LIPC: variants seen among roughly 807,000 people sequenced by gnomAD.
LIPC encodes the protein lipase C, hepatic type.
A neutral mutation model predicts 50.7 loss-of-function variants in LIPC; 44 were observed. That is an observed-to-expected ratio of 0.87 (90% CI 0.68 to 1.11). The LOEUF is 1.11. Among genes scored for constraint, LIPC ranks in the 50% most tolerant of loss-of-function variants. LIPC has a pLI of 0.00. For missense variants in LIPC, 697 were observed against 648.2 expected, an observed-to-expected ratio of 1.08 and a Z score of -0.82; for synonymous variants, 271 against 256.4, an observed-to-expected ratio of 1.06 and a Z score of -0.54.
At chr15:58,532,577 G>A (rs1892991767) in intron 1 of LIPC, among the ~76,000 whole-genome samples, 1 of 152,152 alleles carries the variant, frequency 6.6e-6, no homozygotes. Flanking sequence ...ACCTTGTGAG[G>A]GGCATAGCAA....
At chr15:58,548,740 TC>T (rs1280610793) in intron 6 of LIPC, among the ~76,000 whole-genome samples, 168 bp downstream of exon 6, 2 of 152,192 alleles carry the variant, frequency 1.3e-5, no homozygotes, top group Non-Finnish European at 1.5e-5. Flanking sequence ...CTTTCTCCTG[TC>T]CCAAGAGTGT....
intron 1 of LIPC, among the ~76,000 whole-genome samples, chr15:58,505,641 G>A (rs1287862108): frequency 6.6e-6 from 1 of 152,140 alleles, no homozygotes; most frequent in Non-Finnish European, 1.5e-5. Context: ...TTCACCCAAC[G>A]TCAACCAGCC....
intron 1 of LIPC, among the ~76,000 whole-genome samples, chr15:58,443,289 T>A (rs1429973317): frequency 6.6e-6 from 1 of 152,172 alleles, no homozygotes; most frequent in Non-Finnish European, 1.5e-5. Flanking sequence ...TATCAGAAGT[T>A]TCTGCTCACC....
intron 8 of LIPC, chr15:58,564,116 T>C (rs1205902552): frequency 1.2e-5 from 3 of 247,294 alleles, no homozygotes; most frequent in Non-Finnish European, 2.4e-5. Context: ...CCAAAGAAAA[T>C]CTTTTAACAG....
At chr15:58,446,432 C>T (rs1195728159) in intron 1 of LIPC, among the ~76,000 whole-genome samples, 1 of 152,166 alleles carries the variant, frequency 6.6e-6, no homozygotes, top group African/African-American at 2.4e-5. Flanking sequence ...ATCCAATATC[C>T]AGACCTTACT....
chr15:58,434,326 T>A (rs1458327490), intron 1 of LIPC, among the ~76,000 whole-genome samples: 1 of 152,182 alleles, frequency 6.6e-6, no homozygotes, highest in Non-Finnish European at 1.5e-5. Context: ...AGCCTACTTC[T>A]TTTGAGTATT....
intron 1 of LIPC, among the ~76,000 whole-genome samples, chr15:58,489,221 G>GA (rs1464446857): frequency 2.0e-5 from 2 of 100,566 alleles, no homozygotes; most frequent in East Asian, 5.9e-4. Context: ...TTGTTGCGGG[G>GA]GCGGGGGGGC....
At chr15:58,536,417 G>A (rs113733171) in intron 1 of LIPC, among the ~76,000 whole-genome samples, 2 of 152,190 alleles carry the variant, frequency 1.3e-5, no homozygotes, top group Non-Finnish European at 2.9e-5. Context: ...TTGAGCAGCT[G>A]TGTGCAGGAG....
intron 1 of LIPC, among the ~76,000 whole-genome samples, chr15:58,433,558 T>C (rs538367564): frequency 3.9e-5 from 6 of 152,368 alleles, no homozygotes; most frequent in African/African-American, 1.4e-4. Flanking sequence ...CTCACTGCTG[T>C]AGCATTCCAC....
chr15:58,440,987 A>G (rs1465254817), intron 1 of LIPC, among the ~76,000 whole-genome samples: 2 of 152,218 alleles, frequency 1.3e-5, no homozygotes, highest in African/African-American at 4.8e-5. Flanking sequence ...TCCTGGAGGC[A>G]GGGCAGACCA....
chr15:58,476,148 T>G (rs985905843), intron 1 of LIPC, among the ~76,000 whole-genome samples: 1 of 152,246 alleles, frequency 6.6e-6, no homozygotes, highest in Non-Finnish European at 1.5e-5. Context: ...GGCTAAGCGA[T>G]CTGCTCAAAG....
At chr15:58,515,533 C>CACACATATATATATAT (rs147594972) in intron 1 of LIPC, among the ~76,000 whole-genome samples, 3 of 141,694 alleles carry the variant, frequency 2.1e-5, no homozygotes, top group Admixed American at 2.1e-4. Context: ...TATACACACA[C>CACACATATATATATAT]ATATATATAT....
chr15:58,456,009 A>G (rs1894097679), intron 1 of LIPC, among the ~76,000 whole-genome samples: 1 of 152,094 alleles, frequency 6.6e-6, no homozygotes, highest in African/African-American at 2.4e-5. Flanking sequence ...ATGGATAGAC[A>G]ATCTGGAAAG....
rs148828229 is a variant in LIPC, at chr15:58,568,757, G to A, written c.1430G>A (p.Arg477His). ...GAAAACACAGATGACCTACTACTTC[G>A]CCCAACCCAGGAAAAAATCTTCGTG... ...CSENTDDLLL[R>H]PTQEKIFVKC... The change falls in exon 9 of 9, where the codon CGC becomes CAC. Residue 477 changes from arginine to histidine, a missense_variant. Arg to His is a conservative substitution (Grantham distance 29). Coordinates refer to ENST00000299022, the MANE Select transcript of LIPC (RefSeq NM_000236.3). The A allele has an allele frequency of 1.5e-4, 241 of 1,611,398 alleles. 2 individuals are homozygous for A. In the Middle Eastern group the frequency reaches 2.8e-3, roughly 19 times the overall value.
intron 3 of LIPC, 42 bp downstream of exon 3, chr15:58,542,009 T>C: frequency 6.4e-7 from 1 of 1,571,668 alleles, no homozygotes; most frequent in Non-Finnish European, 8.6e-7. Flanking sequence ...CCTTCCCTCC[T>C]TTCCCTTCCT....
At chr15:58,476,778 C>T (rs1430080484) in intron 1 of LIPC, among the ~76,000 whole-genome samples, 1 of 152,238 alleles carries the variant, frequency 6.6e-6, no homozygotes, top group Admixed American at 6.5e-5. Context: ...AGCCAGAGAG[C>T]TCATTCCTCA....
rs905897762 is a variant in LIPC at position 58,503,506 on chromosome 15, G to C, written c.89-34827G>C. 5.3e-5 allele frequency among the ~76,000 whole-genome samples: 8 copies of C among 152,164 alleles called. 1 individual carries two copies. On this transcript the variant is annotated intron_variant, in intron 1 of 8. Transcript: ENST00000299022. Reference sequence around the variant, plus strand: ...GGAGATGAGGACTTGGTCTGCATGGGGCAGCACCTCGCATCTGATACTGGC... The same window carrying C: ...GGAGATGAGGACTTGGTCTGCATGGCGCAGCACCTCGCATCTGATACTGGC...
At chr15:58,495,410 T>C (rs1380214629) in intron 1 of LIPC, among the ~76,000 whole-genome samples, 1 of 152,248 alleles carries the variant, frequency 6.6e-6, no homozygotes, top group African/African-American at 2.4e-5. Context: ...GTGGGCTCTT[T>C]CCTTCTGAGC....
intron 1 of LIPC, among the ~76,000 whole-genome samples, chr15:58,480,654 A>G (rs1455605997): frequency 6.6e-6 from 1 of 152,252 alleles, no homozygotes; most frequent in South Asian, 2.1e-4. Flanking sequence ...GCCTTGGTCC[A>G]GAAGCTTTGA....
Sources: allele counts gnomAD v4.1 joint callset (sites outside exome capture counted in the v4.1 genomes callset), GRCh38; gene constraint gnomAD v4.1.1; transcripts MANE v1.5; gene names NCBI Gene and HGNC (gene_info 2026-07-23, HGNC 2026-07-21).